The following CTNNA2 variants were observed in gnomAD, a reference collection of about 807,000 sequenced individuals.
CTNNA2 encodes catenin alpha 2, also known as catenin alpha-2.
A neutral mutation model predicts 101.0 loss-of-function variants in CTNNA2; 42 were observed. The ratio of observed to expected loss-of-function variants is 0.42; its 90% CI spans 0.32 to 0.54. CTNNA2 has a LOEUF of 0.54. CTNNA2 is among the 20% of genes least tolerant of loss of function. CTNNA2 has a pLI of 0.14. For synonymous variants in CTNNA2, 450 were observed against 456.4 expected (o/e 0.99, Z 0.18); for missense variants, 871 against 1,223.1 (o/e 0.71, Z 4.29).
intron 3 of CTNNA2, among the ~76,000 whole-genome samples, chr2:79,785,184 T>C (rs1288866417): frequency 2.0e-5 from 3 of 152,180 alleles, no homozygotes; most frequent in African/African-American, 7.2e-5. Context: ...TTTGTGCCAC[T>C]TCTGTTCAGA....
chr2:79,555,536 A>C (rs1674389788), intron 1 of CTNNA2, among the ~76,000 whole-genome samples: 1 of 152,108 alleles, frequency 6.6e-6, no homozygotes, highest in Non-Finnish European at 1.5e-5. Context: ...GCTCTATTTT[A>C]TTTGAATTGT....
chr2:79,653,200 C>T (rs1681377423), intron 2 of CTNNA2, among the ~76,000 whole-genome samples: 1 of 152,140 alleles, frequency 6.6e-6, no homozygotes, highest in Non-Finnish European at 1.5e-5. Context: ...TGAGTCTGCT[C>T]TCTGGGCCTA....
chr2:79,453,053 C>T (rs1400487731), intron 4 of CTNNA2, among the ~76,000 whole-genome samples: 1 of 152,084 alleles, frequency 6.6e-6, no homozygotes, highest in Non-Finnish European at 1.5e-5. Flanking sequence ...AAACTGGAAC[C>T]ATATTGCTAA....
At chr2:79,943,939 A>T (rs1688322923) in intron 7 of CTNNA2, among the ~76,000 whole-genome samples, 1 of 152,216 alleles carries the variant, frequency 6.6e-6, no homozygotes, top group Non-Finnish European at 1.5e-5. Context: ...TAATCCATGT[A>T]GATATAATAT....
intron 3 of CTNNA2, among the ~76,000 whole-genome samples, chr2:79,810,547 T>C (rs1676933424): frequency 6.6e-6 from 1 of 151,638 alleles, no homozygotes; most frequent in Admixed American, 6.6e-5. Flanking sequence ...TTTGTTATAC[T>C]TTAAGTTTTA....
rs374518008 is a variant in CTNNA2 at position 79,978,289 on chromosome 2, A to G, written c.1056+68492A>G. 1.5e-4 allele frequency among the ~76,000 whole-genome samples: 23 copies of G among 152,278 alleles called. No individual in the cohort carries two copies. In the East Asian group the frequency reaches 3.5e-3, roughly 23 times the overall value. On this transcript the variant is annotated intron_variant, in intron 7 of 18. Transcript: ENST00000402739. ...AGAAGGAGCTCTGCCACAGTTATTC[A>G]TCAGGAGAGCCCTGGCTTTCGACAT...
At chr2:79,628,258 C>G (rs968283374) in intron 1 of CTNNA2, among the ~76,000 whole-genome samples, 2 of 152,052 alleles carry the variant, frequency 1.3e-5, no homozygotes, top group Non-Finnish European at 2.9e-5. Flanking sequence ...TTCAGACCAT[C>G]CTGGCCAATA....
chr2:80,205,226 T>G (rs892522781), intron 7 of CTNNA2, among the ~76,000 whole-genome samples: 1 of 152,180 alleles, frequency 6.6e-6, no homozygotes, highest in African/African-American at 2.4e-5. Flanking sequence ...TTTGAAGGAT[T>G]GTATTTTGAT....
intron 4 of CTNNA2, among the ~76,000 whole-genome samples, chr2:79,419,848 A>C (rs545369771): frequency 6.6e-6 from 1 of 151,610 alleles, no homozygotes; most frequent in East Asian, 1.9e-4. Context: ...ACATGACCCC[A>C]CCCTTTGTCT....
intron 3 of CTNNA2, among the ~76,000 whole-genome samples, chr2:79,794,837 A>T (rs1006652246): frequency 1.3e-5 from 2 of 152,212 alleles, no homozygotes; most frequent in Admixed American, 1.3e-4. Context: ...TGTCTTCAGC[A>T]TCTTACTTCA....
At position 80,332,191 on chromosome 2, in the gene CTNNA2, A is replaced by G. The variant is rs145162918; in HGVS notation, c.1057-61020A>G. 2.3e-3 allele frequency among the ~76,000 whole-genome samples: 345 copies of G among 152,252 alleles called. 1 individual carries two copies. Among genetic ancestry groups the G allele is most frequent in the African/African-American group, 7.6e-3 (314 of 41,552 alleles). ...GTGCATTGAACAGTGTTTCTCCTTA[A>G]ACAAACAAACTCACTCACTGTTTCT... On this transcript the variant is annotated intron_variant, in intron 7 of 18. Coordinates refer to ENST00000402739, the MANE Select transcript of CTNNA2 (RefSeq NM_001282597.3).
chr2:80,329,279 G>C (rs1356988271), intron 7 of CTNNA2, among the ~76,000 whole-genome samples: 2 of 152,116 alleles, frequency 1.3e-5, no homozygotes, highest in African/African-American at 4.8e-5. Context: ...TTCCTGCTTG[G>C]AGAAGTAATG....
chr2:79,930,863 C>G (rs1433870561), intron 7 of CTNNA2, among the ~76,000 whole-genome samples: 14 of 152,058 alleles, frequency 9.2e-5, no homozygotes, highest in Admixed American at 9.2e-4. Context: ...TTGGAATATC[C>G]CTGGCTTGTT....
rs193193192 is a variant in CTNNA2, at chr2:80,259,667, A to C, written c.1057-133544A>C. Among the ~76,000 whole-genome samples the C allele has an allele frequency of 1.7e-3, 263 of 152,310 alleles. 1 individual carries two copies. Among genetic ancestry groups the C allele is most frequent in the African/African-American group, 5.8e-3 (240 of 41,562 alleles). On this transcript the variant is annotated intron_variant, in intron 7 of 18. Coordinates refer to ENST00000402739, the MANE Select transcript of CTNNA2 (RefSeq NM_001282597.3). ...ATAAAGCAACTCAAGAATTTTCTTT[A>C]CTACAATGTTGTCTCAATCAAGACA... is the stretch of plus-strand genomic sequence containing the variant.
intron 7 of CTNNA2, among the ~76,000 whole-genome samples, chr2:79,991,478 C>T (rs75500099): frequency 0.025 from 3,767 of 152,198 alleles, 172 homozygotes; most frequent in African/African-American, 0.086. Flanking sequence ...AAGAAAATTC[C>T]TCATCTGTGA....
intron 9 of CTNNA2, among the ~76,000 whole-genome samples, chr2:80,469,723 T>C (rs1430683870): frequency 6.6e-6 from 1 of 151,952 alleles, no homozygotes; most frequent in Non-Finnish European, 1.5e-5. Flanking sequence ...TGGTACCTTA[T>C]GGGGGGTATA....
At chr2:79,878,707 G>A (rs530379365) in intron 6 of CTNNA2, among the ~76,000 whole-genome samples, 25 of 152,126 alleles carry the variant, frequency 1.6e-4, no homozygotes, top group South Asian at 1.0e-3. Flanking sequence ...TAAGTTCCTT[G>A]TAAATTCTGA....
chr2:80,098,250 T>C (rs996069752), intron 7 of CTNNA2, among the ~76,000 whole-genome samples: 12 of 152,222 alleles, frequency 7.9e-5, no homozygotes, highest in African/African-American at 2.7e-4. Context: ...TGCAGGTCTG[T>C]TGGAGTTTGC....
chr2:80,549,253 C>T (rs544257969), intron 11 of CTNNA2, among the ~76,000 whole-genome samples: 3 of 152,244 alleles, frequency 2.0e-5, no homozygotes, highest in East Asian at 1.9e-4. Flanking sequence ...GGATTTGGCT[C>T]ACAAAGTAGT....
Sources: gnomAD v4.1 joint callset for allele counts (sites outside exome capture counted in the v4.1 genomes callset) on GRCh38, gnomAD v4.1.1 for gene constraint, MANE v1.5 for transcripts, NCBI Gene and HGNC (gene_info 2026-07-23, HGNC 2026-07-21) for gene names.